ANKS1B: variants seen among roughly 807,000 people sequenced by gnomAD.
ANKS1B encodes ankyrin repeat and sterile alpha motif domain containing 1B, also known as ankyrin repeat and sterile alpha motif domain-containing protein 1B.
ANKS1B carries 36 observed loss-of-function variants against 148.3 expected under a neutral mutation model. That is an observed-to-expected ratio of 0.24 (90% CI 0.19 to 0.32). The LOEUF (loss-of-function observed/expected upper bound fraction) is 0.32, where lower values mean the gene tolerates loss of function less well. Among genes scored for constraint, ANKS1B ranks in the 10% least tolerant of loss-of-function variants. ANKS1B has a pLI of 1.00. For synonymous variants in ANKS1B, 542 were observed against 560.8 expected (o/e 0.97, Z 0.47); for missense variants, 1,157 against 1,542.6 (o/e 0.75, Z 4.19).
intron 2 of ANKS1B, among the ~76,000 whole-genome samples, chr12:99,812,755 T>A (rs1179990175): frequency 6.6e-6 from 1 of 151,582 alleles, no homozygotes; most frequent in African/African-American, 2.4e-5. Flanking sequence ...AGATTTAGTT[T>A]GAAGGAAAAG....
chr12:99,556,674 T>C (rs1217569169), intron 9 of ANKS1B, among the ~76,000 whole-genome samples: 1 of 152,200 alleles, frequency 6.6e-6, no homozygotes, highest in Admixed American at 6.5e-5. Context: ...AATAATTTCC[T>C]GATTTATGAT....
intron 1 of ANKS1B, among the ~76,000 whole-genome samples, chr12:99,904,673 A>G (rs1475128506): frequency 6.6e-6 from 1 of 152,222 alleles, no homozygotes; most frequent in East Asian, 1.9e-4. Flanking sequence ...ACAAGAAACC[A>G]TAATGGAGCA....
chr12:99,246,397 G>C lies in ANKS1B; in HGVS notation c.2224C>G (p.Leu742Val). The C allele has an allele frequency of 6.2e-7, 1 of 1,613,890 alleles. No homozygotes were observed. Among genetic ancestry groups the C allele is most frequent in the Non-Finnish European group, 8.5e-7 (1 of 1,179,858 alleles). ...SKSVSKSDSD[L>V]IAYPSNEKTS... ...TTCTCATTGGAAGGATAGGCAATGA[G>C]ATCAGAATCAGATTTAGAGACACTT... Residue 742 changes from leucine to valine, a missense_variant, in exon 13 of 27, where the codon CTC (leucine) becomes GTC (valine). This residue lies in a region of ANKS1B where 661 missense variants were observed against 642.1 expected (regional missense o/e 1.03). Transcript: ENST00000683438.
At chr12:99,170,180 T>C (rs1423897074) in intron 14 of ANKS1B, among the ~76,000 whole-genome samples, 2 of 152,220 alleles carry the variant, frequency 1.3e-5, no homozygotes, top group Non-Finnish European at 2.9e-5. Context: ...GATTTTGAAA[T>C]ATTGCAGCTT....
intron 1 of ANKS1B, among the ~76,000 whole-genome samples, chr12:99,913,165 C>T (rs1240670052): frequency 6.6e-6 from 1 of 152,190 alleles, no homozygotes; most frequent in Non-Finnish European, 1.5e-5. Context: ...CCCTAGCTTG[C>T]CTTGCCCTCC....
At chr12:99,162,065 A>G (rs2076709392) in intron 14 of ANKS1B, among the ~76,000 whole-genome samples, 2 of 152,196 alleles carry the variant, frequency 1.3e-5, no homozygotes, top group South Asian at 4.1e-4. Flanking sequence ...GAAAAAAAAA[A>G]GCTAGTTATA....
At chr12:98,912,690 T>C (rs1184471356) in intron 17 of ANKS1B, among the ~76,000 whole-genome samples, 5 of 152,222 alleles carry the variant, frequency 3.3e-5, no homozygotes, top group African/African-American at 1.2e-4. Context: ...TAACAAGTCT[T>C]CATTTTGCAA....
chr12:98,776,615 G>C (rs1330870967), intron 24 of ANKS1B, among the ~76,000 whole-genome samples: 1 of 152,212 alleles, frequency 6.6e-6, no homozygotes, highest in Non-Finnish European at 1.5e-5. Context: ...TGGTGGTTCT[G>C]AGAAGGGCGC....
chr12:99,430,346 C>T (rs2095348295), intron 11 of ANKS1B, among the ~76,000 whole-genome samples: 1 of 151,640 alleles, frequency 6.6e-6, no homozygotes, highest in South Asian at 2.1e-4. Context: ...TAATTTGATA[C>T]AGAAAGAGAA....
At chr12:99,622,636 A>G (rs928023962) in intron 9 of ANKS1B, among the ~76,000 whole-genome samples, 6 of 152,044 alleles carry the variant, frequency 3.9e-5, no homozygotes, top group Non-Finnish European at 5.9e-5. Context: ...CACATAAACT[A>G]GAAAATCTAG....
chr12:99,521,862 A>C (rs2096878694), intron 9 of ANKS1B, among the ~76,000 whole-genome samples: 1 of 152,148 alleles, frequency 6.6e-6, no homozygotes, highest in African/African-American at 2.4e-5. Context: ...CTTGCCCCAC[A>C]CACACTGTAA....
intron 1 of ANKS1B, among the ~76,000 whole-genome samples, chr12:99,959,070 T>C (rs1314313556): frequency 1.3e-5 from 2 of 149,742 alleles, no homozygotes; most frequent in Non-Finnish European, 3.0e-5. Flanking sequence ...TTTTTTTTTT[T>C]TTTGAGACAG....
rs574478024 is a variant in ANKS1B at position 99,045,727 on chromosome 12, C to T, written c.2778+7430G>A. On this transcript the variant is annotated intron_variant, in intron 17 of 26. Coordinates refer to ENST00000683438, the MANE Select transcript of ANKS1B (RefSeq NM_001352186.2). The stretch of plus-strand genomic sequence containing the variant: ...TATTAAACAATGGTTTTCAAGGCAA[C>T]GGGCATGAGGCATTGAAGGACAGTG... Among the ~76,000 whole-genome samples, 31 of 152,200 alleles carry T rather than the reference C, an allele frequency of 2.0e-4. 1 individual carries two copies. The South Asian group carries it at 6.2e-3, about 31-fold the overall frequency.
rs1326986165 is a variant in ANKS1B at position 99,614,451 on chromosome 12, G to A, written c.1272+40616C>T. 2.4e-5 allele frequency among the ~76,000 whole-genome samples: 3 copies of A among 125,106 alleles called. No individual in the cohort carries two copies. The East Asian group carries it at 8.4e-4, about 35-fold the overall frequency. The allele number at this position is 125,106 out of a possible 152,430, so 82.1% of individuals were successfully genotyped here. A position where few individuals can be genotyped will look rare whatever the true frequency, so the allele number is the denominator to read the frequency against. On this transcript the variant is annotated intron_variant, in intron 9 of 26. Transcript: ENST00000683438. ...CTCTGTGTCAAAAAGAAAAGAAAAG[G>A]AAGGGAAGAGGAGGGGAGGGGAGGG...
intron 17 of ANKS1B, among the ~76,000 whole-genome samples, chr12:98,870,920 C>G (rs1257808697): frequency 6.6e-6 from 1 of 152,222 alleles, no homozygotes; most frequent in Non-Finnish European, 1.5e-5. Context: ...ATATTCTGTG[C>G]AGGCTTGTGT....
chr12:99,799,464 C>A (rs1404815051), intron 4 of ANKS1B, among the ~76,000 whole-genome samples: 21 of 152,072 alleles, frequency 1.4e-4, no homozygotes, highest in Admixed American at 1.4e-3. Flanking sequence ...TGCAATTTAT[C>A]ATTTTTATGT....
intron 11 of ANKS1B, among the ~76,000 whole-genome samples, chr12:99,415,752 C>A (rs956945010): frequency 6.6e-6 from 1 of 151,352 alleles, no homozygotes; most frequent in East Asian, 1.9e-4. Context: ...GGTGAGATCT[C>A]GGCTCACGGC....
chr12:98,999,167 T>C (rs2099931449), intron 17 of ANKS1B, among the ~76,000 whole-genome samples: 1 of 152,190 alleles, frequency 6.6e-6, no homozygotes, highest in Non-Finnish European at 1.5e-5. Flanking sequence ...AACTGGAGCT[T>C]TAAATTTCCT....
At chr12:99,767,174 C>T (rs780256613) in intron 8 of ANKS1B, among the ~76,000 whole-genome samples, 6 of 151,766 alleles carry the variant, frequency 4.0e-5, no homozygotes, top group Non-Finnish European at 8.8e-5. Flanking sequence ...CTTCAGAAGG[C>T]TGACATGTAA....
Sources: allele counts gnomAD v4.1 joint callset (sites outside exome capture counted in the v4.1 genomes callset), GRCh38; gene constraint gnomAD v4.1.1; regional missense constraint gnomAD v4.1.1; transcripts MANE v1.5; gene names NCBI Gene and HGNC (gene_info 2026-07-23, HGNC 2026-07-21).